The following SGCD variants were observed in gnomAD, a reference collection of about 807,000 sequenced individuals.
SGCD encodes delta-sarcoglycan.
SGCD carries 18 observed loss-of-function variants against 36.6 expected under a neutral mutation model. The observed-to-expected ratio is 0.49, with a 90% CI of 0.34 to 0.73. The LOEUF is 0.73. Among genes scored for constraint, SGCD ranks in the 30% least tolerant of loss-of-function variants. SGCD has a pLI of 0.01. For missense variants in SGCD, 387 were observed against 346.7 expected, an observed-to-expected ratio of 1.12 and a Z score of -0.92; for synonymous variants, 133 against 130.6, an observed-to-expected ratio of 1.02 and a Z score of -0.12.
At position 156,756,704 on chromosome 5, in the gene SGCD, T is replaced by C. The variant is rs184309788; in HGVS notation, c.576-877T>C. ...TGGCTGATTCTCTTGATTTATTTTTTATCTTACATACCATAAAATTCACTC... is the reference window on the plus strand; with the variant it reads ...TGGCTGATTCTCTTGATTTATTTTTCATCTTACATACCATAAAATTCACTC... On this transcript the variant is annotated intron_variant, in intron 7 of 8. Coordinates refer to ENST00000337851, the MANE Select transcript of SGCD (RefSeq NM_000337.6). Among the ~76,000 whole-genome samples the C allele has an allele frequency of 6.8e-3, 1,032 of 152,334 alleles. 5 individuals carry two copies. The highest frequency in any genetic ancestry group is 0.012 in the Non-Finnish European group (786 of 68,034).
At chr5:156,014,969 C>T (rs1174664506) in intron 1 of SGCD, among the ~76,000 whole-genome samples, 2 of 152,158 alleles carry the variant, frequency 1.3e-5, no homozygotes, top group South Asian at 2.1e-4. Flanking sequence ...GAAGGCATGT[C>T]GTGACCATCT....
intron 5 of SGCD, among the ~76,000 whole-genome samples, chr5:156,591,975 G>A (rs2113378463): frequency 6.6e-6 from 1 of 152,266 alleles, no homozygotes; most frequent in South Asian, 2.1e-4. Context: ...GTGGCTCTTG[G>A]TGAATTCCAC....
intron 3 of SGCD, among the ~76,000 whole-genome samples, chr5:156,308,424 G>A (rs907354554): frequency 7.9e-5 from 12 of 151,818 alleles, no homozygotes; most frequent in African/African-American, 2.2e-4. Context: ...TCAGCCTCCC[G>A]AGTAGCTGGG....
intron 1 of SGCD, among the ~76,000 whole-genome samples, chr5:156,101,937 TGTGTGA>T (rs1344776406): frequency 3.8e-4 from 57 of 149,826 alleles, no homozygotes; most frequent in African/African-American, 5.9e-4. Flanking sequence ...TGTGTGTGTG[TGTGTGA>T]GAGAGAGAGA....
At chr5:155,942,522 T>G (rs1757349737) in intron 1 of SGCD, among the ~76,000 whole-genome samples, 2 of 152,142 alleles carry the variant, frequency 1.3e-5, no homozygotes, top group African/African-American at 4.8e-5. Context: ...CCCCAATTCT[T>G]CATATAAACT....
At chr5:156,341,652 G>A (rs564786234) in intron 2 of SGCD, among the ~76,000 whole-genome samples, 1 of 152,238 alleles carries the variant, frequency 6.6e-6, no homozygotes, top group Admixed American at 6.5e-5. Flanking sequence ...TGATGCCTGG[G>A]TGCTACCTCT....
At chr5:156,688,836 T>C (rs1273153788) in intron 7 of SGCD, among the ~76,000 whole-genome samples, 1 of 152,244 alleles carries the variant, frequency 6.6e-6, no homozygotes, top group Non-Finnish European at 1.5e-5. Context: ...ACCAGGGCTA[T>C]CATATCTCTT....
chr5:156,661,709 A>T (rs2113630342), intron 7 of SGCD, among the ~76,000 whole-genome samples: 1 of 150,428 alleles, frequency 6.6e-6, no homozygotes, highest in South Asian at 2.1e-4. Flanking sequence ...TTGGGTAATG[A>T]TTATCAATAA....
the SGCD span, among the ~76,000 whole-genome samples, chr5:155,855,221 C>A: frequency 2.0e-5 from 3 of 152,172 alleles, no homozygotes; most frequent in Non-Finnish European, 4.4e-5. Flanking sequence ...CCCCCCTCGG[C>A]AACTCTACTG....
chr5:156,306,331 G>C (rs981151682), intron 3 of SGCD, among the ~76,000 whole-genome samples: 2 of 152,086 alleles, frequency 1.3e-5, no homozygotes, highest in Non-Finnish European at 2.9e-5. Context: ...CCATAAGGGG[G>C]GGTTTCCCTG....
chr5:155,948,250 C>T (rs1757479499), intron 1 of SGCD, among the ~76,000 whole-genome samples: 1 of 152,142 alleles, frequency 6.6e-6, no homozygotes, highest in Non-Finnish European at 1.5e-5. Context: ...GCACTCCAGC[C>T]TGGGCGACAG....
chr5:156,132,405 T>C (rs185807768), intron 3 of SGCD, among the ~76,000 whole-genome samples: 1 of 151,656 alleles, frequency 6.6e-6, no homozygotes, highest in Non-Finnish European at 1.5e-5. Flanking sequence ...TGATGGTTTT[T>C]ATATTTTTGT....
At chr5:156,182,199 A>T (rs1763626652) in intron 3 of SGCD, among the ~76,000 whole-genome samples, 1 of 152,266 alleles carries the variant, frequency 6.6e-6, no homozygotes. Context: ...TCATGAAGAA[A>T]AAAACAAATC....
intron 1 of SGCD, among the ~76,000 whole-genome samples, chr5:155,900,693 G>C (rs1441172230): frequency 2.0e-5 from 3 of 151,280 alleles, no homozygotes; most frequent in African/African-American, 7.3e-5. Context: ...GTTGGAAACT[G>C]TCCTAGTAAG....
chr5:155,835,094 G>A, the SGCD span, among the ~76,000 whole-genome samples: 11 of 134,200 alleles, frequency 8.2e-5, no homozygotes, highest in East Asian at 2.0e-3. Flanking sequence ...CGCAATCTCC[G>A]CCTCCCAGGT....
At chr5:156,359,171 A>G (rs1769647020) in intron 3 of SGCD, among the ~76,000 whole-genome samples, 1 of 152,204 alleles carries the variant, frequency 6.6e-6, no homozygotes, top group Admixed American at 6.5e-5. Context: ...AGTGAATACA[A>G]ATACTGTATG....
At chr5:156,304,921 T>C (rs1486342335) in intron 3 of SGCD, among the ~76,000 whole-genome samples, 2 of 152,210 alleles carry the variant, frequency 1.3e-5, no homozygotes, top group East Asian at 3.8e-4. Flanking sequence ...TTTGTGGAAC[T>C]TTGAACTTGA....
the SGCD span, among the ~76,000 whole-genome samples, chr5:155,862,997 G>C: frequency 1.4e-4 from 21 of 152,308 alleles, no homozygotes; most frequent in South Asian, 4.0e-3. Context: ...TTTAGGAAAT[G>C]TTATCAGAGA....
At chr5:156,241,233 T>G (rs1765296104) in intron 3 of SGCD, among the ~76,000 whole-genome samples, 1 of 149,862 alleles carries the variant, frequency 6.7e-6, no homozygotes, top group Admixed American at 6.7e-5. Flanking sequence ...CTAACTGGCC[T>G]TGGAAATTAG....
Sources: gnomAD v4.1 joint callset for allele counts (sites outside exome capture counted in the v4.1 genomes callset) on GRCh38, gnomAD v4.1.1 for gene constraint, MANE v1.5 for transcripts, NCBI Gene and HGNC (gene_info 2026-07-23, HGNC 2026-07-21) for gene names.